SPATS2: variants seen among roughly 807,000 people sequenced by gnomAD.
SPATS2 encodes the protein spermatogenesis-associated serine-rich protein 2.
A neutral mutation model predicts 63.7 loss-of-function variants in SPATS2; 38 were observed. The ratio of observed to expected loss-of-function variants is 0.60; its 90% CI spans 0.46 to 0.78. The LOEUF is 0.78. Among genes scored for constraint, SPATS2 ranks in the 30% least tolerant of loss-of-function variants. SPATS2 has a pLI of 0.00. For synonymous variants in SPATS2, 207 were observed against 232.9 expected, an observed-to-expected ratio of 0.89 and a Z score of 1.01; for missense variants, 588 against 666.2, an observed-to-expected ratio of 0.88 and a Z score of 1.29.
intron 10 of SPATS2, among the ~76,000 whole-genome samples, chr12:49,516,191 ATATATATAT>A (rs1565760922): frequency 3.8e-5 from 4 of 104,732 alleles, no homozygotes; most frequent in Admixed American, 1.2e-4. Context: ...ATATATATAT[ATATATATAT>A]ATATATATAA....
chr12:49,447,626 TTG>T (rs1412257697), intron 2 of SPATS2, among the ~76,000 whole-genome samples: 1 of 152,186 alleles, frequency 6.6e-6, no homozygotes, highest in South Asian at 2.1e-4. Context: ...TTGTGCTTTT[TTG>T]TGTGTGTGTG....
chr12:49,448,298 C>T (rs1278191554), intron 2 of SPATS2, among the ~76,000 whole-genome samples: 10 of 151,630 alleles, frequency 6.6e-5, no homozygotes, highest in African/African-American at 2.4e-4. Context: ...CCACCATGCC[C>T]GGCTAATTTT....
intron 2 of SPATS2, among the ~76,000 whole-genome samples, chr12:49,392,098 C>G (rs1944427823): frequency 6.6e-6 from 1 of 152,132 alleles, no homozygotes; most frequent in South Asian, 2.1e-4. Flanking sequence ...TGAGGCAGTT[C>G]ATTGAGGCAG....
intron 2 of SPATS2, among the ~76,000 whole-genome samples, chr12:49,407,662 C>T (rs971115703): frequency 3.3e-5 from 5 of 152,164 alleles, no homozygotes; most frequent in African/African-American, 1.2e-4. Context: ...CGCCTTTACC[C>T]TGCTTCATTT....
In SPATS2 at chr12:49,498,145, A is replaced by AAAATATATAT. The variant is rs66900382; in HGVS notation, c.703+1137_703+1138insAATATATATA. On this transcript the variant is annotated intron_variant, in intron 8 of 13. Coordinates refer to ENST00000552918, the MANE Select transcript of SPATS2 (RefSeq NM_023071.4). ...ATCCAATCAAGCCAAAAAAAAAAAA[A>AAAATATATAT]ATATATATATATATATATATATATG... Among the ~76,000 whole-genome samples the AAAATATATAT allele has an allele frequency of 8.9e-3, 880 of 98,852 alleles. 7 individuals are homozygous for AAAATATATAT. Among genetic ancestry groups the AAAATATATAT allele is most frequent in the Non-Finnish European group, 0.012 (612 of 53,128 alleles). 64.9% of individuals were successfully genotyped at this position (98,852 alleles called of 152,430 possible). A position where few individuals can be genotyped will look rare whatever the true frequency, so the allele number is the denominator to read the frequency against.
intron 2 of SPATS2, among the ~76,000 whole-genome samples, chr12:49,459,745 C>A (rs1324951863): frequency 6.6e-5 from 8 of 120,870 alleles, no homozygotes; most frequent in African/African-American, 2.4e-4. Flanking sequence ...TCACGTCCCC[C>A]CCCCCCCCCA....
At chr12:49,453,703 C>T (rs965015058) in intron 2 of SPATS2, among the ~76,000 whole-genome samples, 8 of 151,784 alleles carry the variant, frequency 5.3e-5, no homozygotes, top group African/African-American at 1.7e-4. Context: ...GTTGCAGCCA[C>T]CTAGCAGGCT....
At chr12:49,467,342 G>C (rs763552577) in intron 3 of SPATS2, among the ~76,000 whole-genome samples, 29 of 151,818 alleles carry the variant, frequency 1.9e-4, no homozygotes, top group Non-Finnish European at 2.6e-4. Context: ...GATTATAGGC[G>C]TGAGCCACTG....
chr12:49,458,564 G>C lies in SPATS2; in HGVS notation c.-243-2206G>C, dbSNP rs560303042. On this transcript the variant is annotated intron_variant, in intron 2 of 13. Transcript: ENST00000552918. ...GGAGGCCAAGGCGGGCAGATTACTT[G>C]AGGTCAGGAGTTCAAGACCAGCCTG... Among the ~76,000 whole-genome samples, 370 of 152,080 alleles carry C rather than the reference G, an allele frequency of 2.4e-3. 1 individual carries two copies. The highest frequency in any genetic ancestry group is 8.5e-3 in the African/African-American group (352 of 41,494).
intron 2 of SPATS2, among the ~76,000 whole-genome samples, chr12:49,420,256 G>A (rs999036941): frequency 1.3e-5 from 2 of 152,096 alleles, no homozygotes; most frequent in African/African-American, 4.8e-5. Context: ...TATATTTATT[G>A]TTAAGGGATT....
intron 4 of SPATS2, among the ~76,000 whole-genome samples, chr12:49,488,050 A>G (rs1946323644): frequency 6.9e-6 from 1 of 145,812 alleles, no homozygotes; most frequent in Admixed American, 6.9e-5. Flanking sequence ...TTCATCCTGT[A>G]TTTTTTTTTT....
intron 2 of SPATS2, among the ~76,000 whole-genome samples, chr12:49,449,249 T>C (rs1330238986): frequency 2.0e-5 from 3 of 152,330 alleles, no homozygotes; most frequent in South Asian, 4.1e-4. Flanking sequence ...AGAGTCTCGC[T>C]CTGTCGCCCA....
chr12:49,411,097 A>G (rs943089959), intron 2 of SPATS2, among the ~76,000 whole-genome samples: 2 of 152,162 alleles, frequency 1.3e-5, no homozygotes, highest in Non-Finnish European at 2.9e-5. Flanking sequence ...TGACTCTGCT[A>G]TCAGGAGCCA....
intron 1 of SPATS2, among the ~76,000 whole-genome samples, chr12:49,370,740 C>A (rs1243526014): frequency 6.6e-6 from 1 of 152,214 alleles, no homozygotes; most frequent in African/African-American, 2.4e-5. Context: ...CCCGCCTCAG[C>A]TTCCAGAGTA....
intron 2 of SPATS2, among the ~76,000 whole-genome samples, chr12:49,436,237 C>T (rs1362289330): frequency 2.5e-4 from 37 of 145,938 alleles, no homozygotes; most frequent in African/African-American, 8.2e-4. Context: ...AGGCGCCCCT[C>T]ACCTCCCGGA....
chr12:49,456,384 C>G lies in SPATS2; in HGVS notation c.-243-4386C>G, dbSNP rs371933968. ...TCAGAGCTCTAAGATGAGAGCATAT[C>G]TAGAGTGTAAAAGGGATGATAAAGA... On this transcript the variant is annotated intron_variant, in intron 2 of 13. Coordinates refer to ENST00000552918, the MANE Select transcript of SPATS2 (RefSeq NM_023071.4). Among the ~76,000 whole-genome samples the G allele has an allele frequency of 4.7e-4, 71 of 152,256 alleles. No individual in the cohort carries two copies. In the South Asian group the frequency reaches 0.012, roughly 26 times the overall value.
rs759143132 is a variant in SPATS2 at position 49,500,217 on chromosome 12, T to G, written c.839+12T>G. ...GAATTGGAGAGCTGGTAATTTAAGCTGCATTTGATATCAGTAGCATAAAAA... is the reference window on the plus strand; with the variant it reads ...GAATTGGAGAGCTGGTAATTTAAGCGGCATTTGATATCAGTAGCATAAAAA... On this transcript the variant is annotated intron_variant, in intron 9 of 13. Transcript: ENST00000552918. 1 of 1,588,498 alleles carries G rather than the reference T, an allele frequency of 6.3e-7. No individual in the cohort carries two copies. The highest frequency in any genetic ancestry group is 1.2e-5 in the South Asian group (1 of 86,004).
intron 10 of SPATS2, among the ~76,000 whole-genome samples, chr12:49,515,868 G>A (rs138345810): frequency 0.011 from 1,697 of 151,942 alleles, 17 homozygotes; most frequent in South Asian, 0.028. Flanking sequence ...AAGGCTGGGC[G>A]CAGTGGCTCA....
intron 2 of SPATS2, among the ~76,000 whole-genome samples, chr12:49,427,297 T>C (rs1945097721): frequency 6.6e-6 from 1 of 152,188 alleles, no homozygotes; most frequent in Non-Finnish European, 1.5e-5. Context: ...TAAAAAAGAA[T>C]CTTATGTTGT....
Sources: allele counts gnomAD v4.1 joint callset (sites outside exome capture counted in the v4.1 genomes callset), GRCh38; gene constraint gnomAD v4.1.1; transcripts MANE v1.5; gene names NCBI Gene and HGNC (gene_info 2026-07-23, HGNC 2026-07-21).